CFAP73: variants seen among roughly 807,000 people sequenced by gnomAD.
CFAP73 encodes cilia- and flagella-associated protein 73.
CFAP73 carries 33 observed loss-of-function variants against 42.9 expected under a neutral mutation model. The ratio of observed to expected loss-of-function variants is 0.77; its 90% CI spans 0.58 to 1.03. CFAP73 has a LOEUF of 1.03. Ranked by LOEUF, CFAP73 falls within the 50% of genes least tolerant of loss-of-function variation. The pLI is 0.00. For synonymous variants in CFAP73, 162 were observed against 186.8 expected, an observed-to-expected ratio of 0.87 and a Z score of 1.08; for missense variants, 392 against 411.9, an observed-to-expected ratio of 0.95 and a Z score of 0.42.
In CFAP73 at chr12:113,157,706, G is replaced by C. The variant is rs1451713220; in HGVS notation, c.*11+16G>C. On this transcript the variant is annotated intron_variant, in intron 7 of 7. Transcript: ENST00000335621. ...CCTGACACAGGTGAGCAGCGGGAGAGGGAACCCCTGAGAGACCCTGAGATA... is the reference window on the plus strand; with the variant it reads ...CCTGACACAGGTGAGCAGCGGGAGACGGAACCCCTGAGAGACCCTGAGATA... 4 of 1,540,652 alleles carry C rather than the reference G, an allele frequency of 2.6e-6. No individual in the cohort carries two copies. The highest frequency in any genetic ancestry group is 1.4e-5 in the African/African-American group (1 of 72,888).
chr12:113,153,580 G>GT (rs1182097369), intron 4 of CFAP73, among the ~76,000 whole-genome samples, 172 bp downstream of exon 4: 14 of 152,180 alleles, frequency 9.2e-5, no homozygotes, highest in Admixed American at 7.9e-4. Flanking sequence ...ATACGCTTTG[G>GT]TTTTTGTGGT....
chr12:113,150,345 A>G (rs1384674607), intron 1 of CFAP73, among the ~76,000 whole-genome samples: 1 of 152,038 alleles, frequency 6.6e-6, no homozygotes, highest in Admixed American at 6.6e-5. Flanking sequence ...CGGCTGGGAA[A>G]GCCTTGCTGA....
At chr12:113,153,039 T>TA in intron 3 of CFAP73, 152 bp downstream of exon 3, 1 of 809,022 alleles carries the variant, frequency 1.2e-6, no homozygotes, top group Non-Finnish European at 1.8e-6. Context: ...AAGCAACCGA[T>TA]TAAAAAAAAA....
chr12:113,155,460 C>T, intron 6 of CFAP73, 42 bp downstream of exon 6: 1 of 1,504,794 alleles, frequency 6.6e-7, no homozygotes, highest in Non-Finnish European at 8.9e-7. Flanking sequence ...CCCAAACACT[C>T]CCTCTTTGGA....
At chr12:113,151,867 G>A in intron 1 of CFAP73, 51 bp from the exon 2 acceptor site, 3 of 1,295,036 alleles carry the variant, frequency 2.3e-6, no homozygotes, top group Non-Finnish European at 3.3e-6. Context: ...TGAGATGTGG[G>A]GCCCTGAAAC....
In CFAP73 at chr12:113,154,890, C is replaced by A. The variant is rs1395060572; in HGVS notation, c.690+255C>A. Among the ~76,000 whole-genome samples, 1 of 152,220 alleles carries A rather than the reference C, an allele frequency of 6.6e-6. No individual in the cohort carries two copies. Among genetic ancestry groups the A allele is most frequent in the Non-Finnish European group, 1.5e-5 (1 of 68,034 alleles). Reference sequence around the variant, plus strand: ...CTGGCAGAGGTGGATGGGAAGAATGCCGGGCGCGGTGGCTCATGCCTGTAA... The same window carrying A: ...CTGGCAGAGGTGGATGGGAAGAATGACGGGCGCGGTGGCTCATGCCTGTAA... On this transcript the variant is annotated intron_variant, in intron 5 of 7. Transcript: ENST00000335621. The surrounding 1 kb of genome is among the most constrained non-coding windows in gnomAD (Gnocchi z 4.7).
intron 6 of CFAP73, chr12:113,157,347 G>A (rs188957373): frequency 8.9e-6 from 5 of 564,490 alleles, no homozygotes; most frequent in Admixed American, 3.1e-5. Context: ...TAATTGGATA[G>A]TGCAGGTGAC....
chr12:113,156,420 CGAGT>C (rs1952127974), intron 6 of CFAP73, among the ~76,000 whole-genome samples: 1 of 151,618 alleles, frequency 6.6e-6, no homozygotes, highest in Non-Finnish European at 1.5e-5. Flanking sequence ...TCTTAAGACA[CGAGT>C]CTGCCAATGC....
chr12:113,153,453 C>T (rs2136305989), intron 4 of CFAP73, 45 bp downstream of exon 4: 2 of 1,359,306 alleles, frequency 1.5e-6, no homozygotes, highest in South Asian at 1.7e-5. Context: ...CACCGCGTGG[C>T]GCTGAGTGGC....
chr12:113,156,716 C>A (rs1008352373), intron 6 of CFAP73: 10 of 152,200 alleles, frequency 6.6e-5, no homozygotes, highest in African/African-American at 2.4e-4. Flanking sequence ...GCACATGAGA[C>A]TAGCAGAAAC....
intron 2 of CFAP73, among the ~76,000 whole-genome samples, chr12:113,152,288 A>G (rs1427144574): frequency 1.3e-5 from 2 of 152,152 alleles, no homozygotes; most frequent in Non-Finnish European, 2.9e-5. Flanking sequence ...GAAAACAGAT[A>G]AGTGTTCAGG....
intron 7 of CFAP73, chr12:113,157,908 G>C: frequency 1.7e-6 from 1 of 575,768 alleles, no homozygotes; most frequent in Admixed American, 3.0e-5. Context: ...AAGGTCAAGG[G>C]GCTATGTGTG....
chr12:113,152,337 G>A (rs1158647015), intron 2 of CFAP73, among the ~76,000 whole-genome samples: 2 of 152,244 alleles, frequency 1.3e-5, no homozygotes, highest in Non-Finnish European at 2.9e-5. Flanking sequence ...GGCAGGGGCT[G>A]TGGAAGCCCA....
At chr12:113,155,095 G>A (rs1329366447) in intron 5 of CFAP73, among the ~76,000 whole-genome samples, 165 bp from the exon 6 acceptor site, 2 of 152,104 alleles carry the variant, frequency 1.3e-5, no homozygotes, top group African/African-American at 2.4e-5. Flanking sequence ...GCTAGGCTCT[G>A]GGAGCCGGCG....
rs762104953 is a variant in CFAP73 at position 113,155,375 on chromosome 12, C to T, written c.806C>T (p.Pro269Leu). Residue 269 changes from proline (P) to leucine (L), a missense_variant, in exon 6 of 8, where the codon CCT (proline) becomes CTT (leucine). Pro to Leu is a moderately conservative substitution (Grantham distance 98). Transcript: ENST00000335621. ...FQLVCQHQGQ[P>L]PTLDIEDTEG... ...CTAGTGTGCCAGCATCAGGGGCAGCCTCCCACCCTGGACATCGAGGACACG... is the reference window on the plus strand; with the variant it reads ...CTAGTGTGCCAGCATCAGGGGCAGCTTCCCACCCTGGACATCGAGGACACG... 5.8e-6 allele frequency: 9 copies of T among 1,551,380 alleles called. No individual in the cohort carries two copies. The highest frequency in any genetic ancestry group is 1.2e-5 in the South Asian group (1 of 84,030).
At chr12:113,151,863 G>A (rs1952065120) in intron 1 of CFAP73, 55 bp from the exon 2 acceptor site, 2 of 1,246,626 alleles carry the variant, frequency 1.6e-6, no homozygotes, top group Admixed American at 2.0e-5. Context: ...GTGGTGAGAT[G>A]TGGGGCCCTG....
rs138494490 is a variant in CFAP73 at position 113,157,435 on chromosome 12, G to A, written c.850-167G>A. ...GCCTGAGGCTTTCAAAACCCAGAAC[G>A]GTTTAGGATCTCAGTCACCACCTCT... On this transcript the variant is annotated intron_variant, in intron 6 of 7. Coordinates refer to ENST00000335621, the MANE Select transcript of CFAP73 (RefSeq NM_001144872.3). 7.7e-3 allele frequency: 4,761 copies of A among 621,646 alleles called. 29 individuals carry two copies. Among genetic ancestry groups the A allele is most frequent in the Non-Finnish European group, 9.6e-3 (3,391 of 351,508 alleles). 38.5% of individuals were successfully genotyped at this position (621,646 alleles called of 1,614,324 possible).
intron 2 of CFAP73, among the ~76,000 whole-genome samples, chr12:113,152,419 A>C (rs1952072269): frequency 6.6e-6 from 1 of 152,216 alleles, no homozygotes; most frequent in African/African-American, 2.4e-5. Context: ...GGGATTGCTG[A>C]AGGGCAAGTC....
At chr12:113,155,948 G>A (rs541748918) in intron 6 of CFAP73, among the ~76,000 whole-genome samples, 1 of 145,160 alleles carries the variant, frequency 6.9e-6, no homozygotes, top group South Asian at 2.2e-4. Context: ...TTTTTTTTGA[G>A]ACAGAGTCTA....
Sources: allele counts gnomAD v4.1 joint callset (sites outside exome capture counted in the v4.1 genomes callset), GRCh38; gene constraint gnomAD v4.1.1; non-coding constraint Gnocchi (gnomAD v3.1); transcripts MANE v1.5; gene names NCBI Gene and HGNC (gene_info 2026-07-23, HGNC 2026-07-21).